DACH1: variants seen among roughly 807,000 people sequenced by gnomAD.
DACH1 encodes the protein dachshund homolog 1.
Under a neutral mutation model 54.2 loss-of-function variants are expected in DACH1, and 12 were observed. That is an observed-to-expected ratio of 0.22 (90% CI 0.14 to 0.36). The LOEUF (loss-of-function observed/expected upper bound fraction) is 0.36, where lower values mean the gene tolerates loss of function less well. Among genes scored for constraint, DACH1 ranks in the 10% least tolerant of loss-of-function variants. The probability of loss-of-function intolerance (pLI) is 1.00; values close to 1 mark genes in which losing one functional copy is unlikely to be tolerated. For synonymous variants in DACH1, 386 were observed against 366.2 expected (o/e 1.05, Z -0.62); for missense variants, 805 against 929.8 (o/e 0.87, Z 1.75).
chr13:71,657,034 AC>A (rs1879155300), intron 2 of DACH1, among the ~76,000 whole-genome samples: 1 of 148,888 alleles, frequency 6.7e-6, no homozygotes, highest in South Asian at 2.1e-4. Context: ...ACATATATAT[AC>A]ATAAACATGT....
At chr13:71,461,982 A>G (rs930326323) in intron 10 of DACH1, among the ~76,000 whole-genome samples, 3 of 151,982 alleles carry the variant, frequency 2.0e-5, no homozygotes, top group Non-Finnish European at 4.4e-5. Flanking sequence ...TAAACATAGC[A>G]CACCTGAATA....
intron 1 of DACH1, among the ~76,000 whole-genome samples, chr13:71,821,418 T>C (rs997419906): frequency 1.9e-5 from 1 of 52,900 alleles, no homozygotes; most frequent in Non-Finnish European, 5.9e-5. Flanking sequence ...TTGATTATTC[T>C]AAGATTTTAA....
chr13:71,712,934 G>T (rs1174049124), intron 1 of DACH1, among the ~76,000 whole-genome samples: 1 of 152,056 alleles, frequency 6.6e-6, no homozygotes, highest in East Asian at 1.9e-4. Context: ...GCCTACAAGT[G>T]ATAATAGAAT....
chr13:71,650,801 C>T (rs1473881378), intron 2 of DACH1, among the ~76,000 whole-genome samples: 1 of 152,104 alleles, frequency 6.6e-6, no homozygotes, highest in Admixed American at 6.5e-5. Context: ...ATTGACAGTG[C>T]ATCTTCATCA....
chr13:71,690,075 G>T (rs1021579656), intron 1 of DACH1, among the ~76,000 whole-genome samples: 3 of 151,954 alleles, frequency 2.0e-5, no homozygotes, highest in South Asian at 2.1e-4. Context: ...GCCTCAACTG[G>T]AATTCTTTAC....
chr13:71,557,219 T>C, intron 5 of DACH1, 61 bp from the exon 6 acceptor site: 1 of 1,486,710 alleles, frequency 6.7e-7, no homozygotes, highest in East Asian at 2.4e-5. Context: ...ACACACAAGG[T>C]TCCAATAAGT....
At chr13:71,554,368 AATTT>A (rs1324144306) in intron 6 of DACH1, among the ~76,000 whole-genome samples, 7 of 152,130 alleles carry the variant, frequency 4.6e-5, no homozygotes, top group African/African-American at 1.2e-4. Context: ...GAATCTTAAA[AATTT>A]ATTTGTCATT....
chr13:71,494,903 C>A (rs980145579), intron 6 of DACH1, among the ~76,000 whole-genome samples: 2 of 151,990 alleles, frequency 1.3e-5, no homozygotes, highest in African/African-American at 4.8e-5. Context: ...TCTCTCCAAT[C>A]TTATCACACA....
intron 1 of DACH1, among the ~76,000 whole-genome samples, chr13:71,822,082 GA>G (rs1200370587): frequency 6.6e-6 from 1 of 151,684 alleles, no homozygotes; most frequent in East Asian, 1.9e-4. Context: ...AAAAGACAAA[GA>G]CACTGAAACC....
intron 1 of DACH1, among the ~76,000 whole-genome samples, chr13:71,748,211 G>C (rs1432941785): frequency 1.3e-5 from 2 of 151,606 alleles, no homozygotes; most frequent in Non-Finnish European, 1.5e-5. Context: ...ACAATGTTGA[G>C]GGGGGGAAAG....
intron 4 of DACH1, among the ~76,000 whole-genome samples, chr13:71,565,628 A>T (rs1884852434): frequency 6.6e-6 from 1 of 152,144 alleles, no homozygotes; most frequent in African/African-American, 2.4e-5. Flanking sequence ...GGCAGCCCAA[A>T]TCAAGATTCC....
At chr13:71,805,397 C>A (rs953691661) in intron 1 of DACH1, among the ~76,000 whole-genome samples, 3 of 152,090 alleles carry the variant, frequency 2.0e-5, no homozygotes, top group African/African-American at 7.2e-5. Flanking sequence ...TAAAAATGAA[C>A]CCAGCTAAGC....
intron 1 of DACH1, among the ~76,000 whole-genome samples, chr13:71,725,232 A>G (rs1363334731): frequency 6.6e-6 from 1 of 152,172 alleles, no homozygotes. Flanking sequence ...ACCTTTCTTG[A>G]CAAAGCTTTA....
In DACH1 at chr13:71,789,462, T is replaced by A. The variant is rs555917991; in HGVS notation, c.848+76460A>T. On this transcript the variant is annotated intron_variant, in intron 1 of 10. Transcript: ENST00000613252. ...GATTTATCCCATAAAAAGTATTATT[T>A]CTGAGTTTATCATATGTGCATATAA... Among the ~76,000 whole-genome samples the A allele has an allele frequency of 2.0e-5, 3 of 152,260 alleles. No homozygotes were observed. The South Asian group carries it at 6.2e-4, about 32-fold the overall frequency.
chr13:71,845,865 C>T (rs17837291), intron 1 of DACH1: 8,751 of 152,226 alleles, frequency 0.057, 1,018 homozygotes, highest in East Asian at 0.57. Flanking sequence ...ATCGGTACTG[C>T]TTGTTGTGTG....
Position 71,761,616 on chromosome 13 carries a change from A to G in DACH1, c.849-79706T>C, listed in dbSNP as rs190926861. Among the ~76,000 whole-genome samples, 511 of 152,214 alleles carry G rather than the reference A, an allele frequency of 3.4e-3. 3 individuals carry two copies. Among genetic ancestry groups the G allele is most frequent in the South Asian group, 0.015 (71 of 4,818 alleles). ...ACTTCTCAAACATCAATGTGCGTACACATCATCTGGGGTTGGGCAGGCAGG... is the reference window on the plus strand; with the variant it reads ...ACTTCTCAAACATCAATGTGCGTACGCATCATCTGGGGTTGGGCAGGCAGG... On this transcript the variant is annotated intron_variant, in intron 1 of 10. Transcript: ENST00000613252.
chr13:71,620,620 C>T (rs1019561066), intron 3 of DACH1, among the ~76,000 whole-genome samples: 3 of 151,850 alleles, frequency 2.0e-5, no homozygotes, highest in African/African-American at 7.3e-5. Flanking sequence ...AACACTTTTA[C>T]ATTTGTTTAT....
intron 1 of DACH1, among the ~76,000 whole-genome samples, chr13:71,843,029 T>C (rs541343922): frequency 6.6e-6 from 1 of 152,306 alleles, no homozygotes; most frequent in South Asian, 2.1e-4. Context: ...CTATGAAAAA[T>C]GTGTATGGCT....
At chr13:71,615,074 T>C (rs1875660704) in intron 3 of DACH1, among the ~76,000 whole-genome samples, 1 of 152,056 alleles carries the variant, frequency 6.6e-6, no homozygotes, top group Admixed American at 6.6e-5. Flanking sequence ...TCAAAATTTA[T>C]ATTTTAAGAT....
Sources: allele counts gnomAD v4.1 joint callset (sites outside exome capture counted in the v4.1 genomes callset), GRCh38; gene constraint gnomAD v4.1.1; transcripts MANE v1.5; gene names NCBI Gene and HGNC (gene_info 2026-07-23, HGNC 2026-07-21).